Variants in TOPAZ1 observed in about 807,000 individuals in gnomAD.
TOPAZ1 encodes protein TOPAZ1.
Under a neutral mutation model 172.2 loss-of-function variants are expected in TOPAZ1, and 66 were observed. The observed-to-expected ratio is 0.38, with a 90% confidence interval of 0.31 to 0.47. The LOEUF (loss-of-function observed/expected upper bound fraction) is 0.47, where lower values mean the gene tolerates loss of function less well. Among genes scored for constraint, TOPAZ1 ranks in the 20% least tolerant of loss-of-function variants. The pLI is 0.99. For synonymous variants in TOPAZ1, 681 were observed against 683.9 expected (o/e 1.00, Z 0.07); for missense variants, 1,822 against 1,972.4 (o/e 0.92, Z 1.44).
At position 44,283,977 on chromosome 3, in the gene TOPAZ1, G is replaced by A. The variant is rs145073219; in HGVS notation, c.3436+1946G>A. On this transcript the variant is annotated intron_variant, in intron 9 of 19. Transcript: ENST00000309765. ...AATTTTGTCACTTGACCCAATTATG[G>A]CGTTTTATAGCATTTTTCCCTCTAG... Among the ~76,000 whole-genome samples, 24 of 152,104 alleles carry A rather than the reference G, an allele frequency of 1.6e-4. No individual in the cohort carries two copies. In the East Asian group the frequency reaches 4.4e-3, roughly 28 times the overall value.
intron 12 of TOPAZ1, among the ~76,000 whole-genome samples, chr3:44,301,039 A>C (rs1410090342): frequency 6.6e-6 from 1 of 152,228 alleles, no homozygotes; most frequent in Non-Finnish European, 1.5e-5. Context: ...TACATGCTAC[A>C]CAGTGCATAC....
intron 8 of TOPAZ1, among the ~76,000 whole-genome samples, chr3:44,280,992 C>T (rs1700017247): frequency 6.6e-6 from 1 of 152,204 alleles, no homozygotes; most frequent in Non-Finnish European, 1.5e-5. Flanking sequence ...TGGAGCAGTG[C>T]TTTTCCAGGC....
chr3:44,329,770 A>C (rs1700644333), intron 19 of TOPAZ1, among the ~76,000 whole-genome samples: 1 of 152,226 alleles, frequency 6.6e-6, no homozygotes, highest in South Asian at 2.1e-4. Flanking sequence ...GTTCTGTAAC[A>C]GGAGAGGAGT....
chr3:44,316,637 G>A (rs557471487), intron 16 of TOPAZ1, among the ~76,000 whole-genome samples: 2 of 151,978 alleles, frequency 1.3e-5, no homozygotes, highest in African/African-American at 2.4e-5. Flanking sequence ...ATAAACTGCT[G>A]CTTTTTAAAT....
chr3:44,282,109 T>C, intron 9 of TOPAZ1, 78 bp downstream of exon 9: 1 of 1,027,424 alleles, frequency 9.7e-7, no homozygotes, highest in Non-Finnish European at 1.4e-6. Context: ...TTCAATAATT[T>C]GTAAGTTTGA....
In TOPAZ1 at chr3:44,257,352, G is replaced by GGTGTGTGTGTGT. The variant is rs59827431; in HGVS notation, c.2955+1119_2955+1130dup. ...CCTGTCTCAAAAAAGAAAACATAGG[G>GGTGTGTGTGTGT]GTGTGTGTGTGTGTGTGTGTGTGTG... On this transcript the variant is annotated intron_variant, in intron 4 of 19. Transcript: ENST00000309765. 4.3e-3 allele frequency among the ~76,000 whole-genome samples: 479 copies of GGTGTGTGTGTGT among 110,360 alleles called. 3 individuals carry two copies. The highest frequency in any genetic ancestry group is 4.5e-3 in the Non-Finnish European group (252 of 56,202). 72.4% of individuals were successfully genotyped at this position (110,360 alleles called of 152,430 possible). A position where few individuals can be genotyped will look rare whatever the true frequency, so the allele number is the denominator to read the frequency against.
chr3:44,254,791 A>G (rs1244584975), intron 2 of TOPAZ1, among the ~76,000 whole-genome samples, 177 bp from the exon 3 acceptor site: 1 of 152,172 alleles, frequency 6.6e-6, no homozygotes, highest in Non-Finnish European at 1.5e-5. Context: ...AAAGAACCAA[A>G]CAAAAAATCC....
chr3:44,283,463 G>A (rs2125691482), intron 9 of TOPAZ1, among the ~76,000 whole-genome samples: 1 of 152,318 alleles, frequency 6.6e-6, no homozygotes, highest in Middle Eastern at 3.4e-3. Context: ...GCTCTACAGA[G>A]AGGCCTCAGG....
chr3:44,248,676 CT>C (rs200773910), intron 2 of TOPAZ1, among the ~76,000 whole-genome samples: 1 of 152,264 alleles, frequency 6.6e-6, no homozygotes, highest in East Asian at 1.9e-4. Context: ...CAGTCAGTTA[CT>C]AGTTCTTATG....
At chr3:44,317,295 C>G (rs896666704) in intron 16 of TOPAZ1, among the ~76,000 whole-genome samples, 2 of 152,116 alleles carry the variant, frequency 1.3e-5, no homozygotes, top group African/African-American at 4.8e-5. Flanking sequence ...GTGGCAGGCT[C>G]TGGTAATCCC....
intron 18 of TOPAZ1, among the ~76,000 whole-genome samples, chr3:44,324,997 C>T (rs535087114): frequency 1.7e-4 from 26 of 152,108 alleles, no homozygotes; most frequent in African/African-American, 3.6e-4. Context: ...AGTGAGGTTA[C>T]GGGATAAAGA....
At position 44,243,153 on chromosome 3, in the gene TOPAZ1, C is replaced by T. The variant is rs1346031529; in HGVS notation, c.647C>T (p.Pro216Leu). The change falls in exon 2 of 20, where the codon CCT becomes CTT. Residue 216 changes from proline (P) to leucine (L), a missense_variant. Physicochemically the swap from Pro to Leu is moderately conservative, Grantham distance 98. Around this residue, in one of 2 missense-constraint regions of TOPAZ1, gnomAD observed 1,489 missense variants for 1,490.8 expected, o/e 1.00. Coordinates refer to ENST00000309765, the MANE Select transcript of TOPAZ1 (RefSeq NM_001145030.2). The part of the protein sequence containing the change: ...TPKYSCNILS[P>L]EVENNSVLKL... ...AAATATTCTTGTAATATCTTGTCAC[C>T]TGAAGTAGAAAATAATTCCGTTTTA... 6.5e-7 allele frequency: 1 copy of T among 1,549,482 alleles called. No individual in the cohort carries two copies. The highest frequency in any genetic ancestry group is 8.7e-7 in the Non-Finnish European group (1 of 1,146,018).
rs535841450 is a variant in TOPAZ1 at position 44,313,919 on chromosome 3, TA to T, written c.4306+3931del. On this transcript the variant is annotated intron_variant, in intron 16 of 19. Coordinates refer to ENST00000309765, the MANE Select transcript of TOPAZ1 (RefSeq NM_001145030.2). ...TAGATTGTAGTAATTACAGTCTACT[TA>T]ACAGTGTATGAAGATGCAGCTTATG... is the stretch of plus-strand genomic sequence containing the variant. Among the ~76,000 whole-genome samples, 296 of 152,324 alleles carry T rather than the reference TA, an allele frequency of 1.9e-3. 1 individual carries two copies. Among genetic ancestry groups the T allele is most frequent in the African/African-American group, 6.8e-3 (281 of 41,568 alleles).
intron 12 of TOPAZ1, among the ~76,000 whole-genome samples, chr3:44,292,620 T>A (rs1377437903): frequency 6.6e-6 from 1 of 152,200 alleles, no homozygotes; most frequent in African/African-American, 2.4e-5. Flanking sequence ...TGTTAGTATA[T>A]AGGAAGACCC....
In TOPAZ1 at chr3:44,249,719, A is replaced by AT. The variant is rs1699607750; in HGVS notation, c.2765+4450dup. ...GATGGGAAAGAGAATTAAGGTTTCA[A>AT]TTCCTATTTGAGAATATCGCAGGCC... is the stretch of plus-strand genomic sequence containing the variant. On this transcript the variant is annotated intron_variant, in intron 2 of 19. Transcript: ENST00000309765. 2.0e-5 allele frequency among the ~76,000 whole-genome samples: 3 copies of AT among 152,316 alleles called. No individual in the cohort carries two copies. The South Asian group carries it at 6.2e-4, about 32-fold the overall frequency.
At position 44,287,472 on chromosome 3, in the gene TOPAZ1, T is replaced by C; in HGVS notation, c.3520T>C (p.Leu1174=). 6.5e-7 allele frequency: 1 copy of C among 1,531,948 alleles called. No homozygotes were observed. The highest frequency in any genetic ancestry group is 8.8e-7 in the Non-Finnish European group (1 of 1,137,744). 94.9% of individuals were successfully genotyped at this position (1,531,948 alleles called of 1,614,324 possible). The stretch of plus-strand genomic sequence containing the variant: ...AGTGCTAAATGACCTTCTAAATTCT[T>C]TACTCAAACATTGTTTGTTGAAAGA... ...LQVLNDLLNS[L]LKHCLLKEVF... The change falls in exon 10 of 20, where the codon TTA becomes CTA. Residue 1174 remains leucine, a synonymous_variant. Transcript: ENST00000309765.
intron 18 of TOPAZ1, 140 bp downstream of exon 18, chr3:44,323,435 CTGTG>C: frequency 2.1e-6 from 1 of 479,934 alleles, no homozygotes; most frequent in Non-Finnish European, 3.5e-6. Context: ...CTCAACAGAT[CTGTG>C]CTCTCTTTTG....
rs1002916224 is a variant in TOPAZ1 at position 44,306,517 on chromosome 3, G to C, written c.4140+91G>C. Reference sequence around the variant, plus strand: ...TATAAGTTAACCCTGCAAATTAGGAGTTTGCTAATAATCATTACAATTGAT... The same window carrying C: ...TATAAGTTAACCCTGCAAATTAGGACTTTGCTAATAATCATTACAATTGAT... On this transcript the variant is annotated intron_variant, in intron 15 of 19. Coordinates refer to ENST00000309765, the MANE Select transcript of TOPAZ1 (RefSeq NM_001145030.2). 4 of 676,832 alleles carry C rather than the reference G, an allele frequency of 5.9e-6. No individual in the cohort carries two copies. In the African/African-American group the frequency reaches 7.1e-5, roughly 12 times the overall value. The allele number at this position is 676,832 out of a possible 1,614,324, so 41.9% of individuals were successfully genotyped here.
At chr3:44,331,305 A>G (rs553829664) in intron 19 of TOPAZ1, among the ~76,000 whole-genome samples, 5 of 145,918 alleles carry the variant, frequency 3.4e-5, no homozygotes, top group African/African-American at 1.3e-4. Context: ...TTTTTTATGT[A>G]TGAAGGTATA....
Sources: allele counts gnomAD v4.1 joint callset (sites outside exome capture counted in the v4.1 genomes callset), GRCh38; gene constraint gnomAD v4.1.1; regional missense constraint gnomAD v4.1.1; transcripts MANE v1.5; gene names NCBI Gene and HGNC (gene_info 2026-07-23, HGNC 2026-07-21).